The following JAK1 variants were observed in gnomAD, a reference collection of about 807,000 sequenced individuals.
JAK1 encodes the protein Janus kinase 1.
A neutral mutation model predicts 136.6 loss-of-function variants in JAK1; 16 were observed. The observed-to-expected ratio is 0.12, with a 90% CI of 0.08 to 0.18. JAK1 has a LOEUF of 0.18. JAK1 is among the 10% of genes least tolerant of loss of function. The pLI is 1.00. For missense variants in JAK1, 859 were observed against 1,450.1 expected (o/e 0.59, Z 6.62); for synonymous variants, 492 against 519.5 (o/e 0.95, Z 0.72).
chr1:64,956,629 C>T (rs1646193045), intron 1 of JAK1, among the ~76,000 whole-genome samples: 1 of 152,192 alleles, frequency 6.6e-6, no homozygotes, highest in Non-Finnish European at 1.5e-5. Context: ...ACATCTTAGA[C>T]TGTTGGCTAC....
chr1:64,945,465 C>T (rs1645967252), intron 1 of JAK1, among the ~76,000 whole-genome samples: 1 of 152,006 alleles, frequency 6.6e-6, no homozygotes, highest in East Asian at 1.9e-4. Flanking sequence ...TTAAATAAGT[C>T]ATGGTCTATT....
At chr1:64,967,423 A>G (rs1049179063), upstream of JAK1, among the ~76,000 whole-genome samples, 1 of 152,152 alleles carries the variant, frequency 6.6e-6, no homozygotes, top group African/African-American at 2.4e-5. Flanking sequence ...ATTCTCTACA[A>G]TGAACTTTTA....
At chr1:65,039,201 G>A (rs1647105939) in intron 2 of JAK1, among the ~76,000 whole-genome samples, 1 of 152,180 alleles carries the variant, frequency 6.6e-6, no homozygotes, top group Admixed American at 6.5e-5. Context: ...GGGGCCAGGT[G>A]TGCCACCACT....
chr1:64,912,917 T>C (rs562137252), intron 1 of JAK1, among the ~76,000 whole-genome samples: 1 of 152,326 alleles, frequency 6.6e-6, no homozygotes, highest in East Asian at 1.9e-4. Context: ...TGCAACCTCA[T>C]ACCCCAAATA....
chr1:64,949,078 C>T (rs1646037091), intron 1 of JAK1, among the ~76,000 whole-genome samples: 1 of 152,182 alleles, frequency 6.6e-6, no homozygotes, highest in Non-Finnish European at 1.5e-5. Context: ...AGAGGCTCTT[C>T]ATACCATGCT....
chr1:64,920,203 CG>C (rs1645470730), intron 1 of JAK1, among the ~76,000 whole-genome samples: 1 of 152,014 alleles, frequency 6.6e-6, no homozygotes. Context: ...CTGAAATTGA[CG>C]GAAACAGGGA....
intron 1 of JAK1, among the ~76,000 whole-genome samples, chr1:64,942,517 A>T (rs905027578): frequency 6.6e-6 from 1 of 152,210 alleles, no homozygotes; most frequent in Non-Finnish European, 1.5e-5. Context: ...TTTTTAAAGG[A>T]ACAATAAAAC....
intron 20 of JAK1, among the ~76,000 whole-genome samples, chr1:64,839,078 G>A (rs1043664042): frequency 8.9e-5 from 13 of 146,384 alleles, no homozygotes; most frequent in Admixed American, 4.1e-4. Flanking sequence ...CCCGGGAGGC[G>A]GAGCTTGCAG....
At position 64,886,278 on chromosome 1, in the gene JAK1, C is replaced by A; in HGVS notation, c.-14G>T. The A allele has an allele frequency of 1.9e-6, 3 of 1,595,172 alleles. No homozygotes were observed. The highest frequency in any genetic ancestry group is 2.6e-6 in the Non-Finnish European group (3 of 1,171,774). On this transcript the variant is annotated 5_prime_UTR_variant, in exon 2 of 25. Transcript: ENST00000342505. ...ACATACCTGCATTTATTCAGCTGTC[C>A]AGTGTTCTCCAAGAAGCAAACTGGA...
intron 1 of JAK1, among the ~76,000 whole-genome samples, chr1:64,932,683 T>C (rs1645718867): frequency 6.6e-6 from 1 of 152,158 alleles, no homozygotes; most frequent in Non-Finnish European, 1.5e-5. Flanking sequence ...ATACTTTCAC[T>C]CAGCTACTCC....
intron 1 of JAK1, among the ~76,000 whole-genome samples, chr1:64,892,870 G>C (rs190612380): frequency 5.3e-5 from 8 of 152,236 alleles, no homozygotes; most frequent in Admixed American, 2.0e-4. Context: ...GGACTTCAGG[G>C]GAATCCAAAG....
chr1:64,868,596 C>G (rs1336161072), intron 6 of JAK1, among the ~76,000 whole-genome samples: 1 of 152,116 alleles, frequency 6.6e-6, no homozygotes, highest in Non-Finnish European at 1.5e-5. Flanking sequence ...GTGATCTGCT[C>G]TAGACTCTGG....
At chr1:65,067,430 G>A (rs955440139) in intron 1 of JAK1, among the ~76,000 whole-genome samples, 28 of 148,410 alleles carry the variant, frequency 1.9e-4, no homozygotes, top group African/African-American at 6.8e-4. Flanking sequence ...CGCGAGACGG[G>A]GCCGGGAGCG....
At chr1:64,878,864 C>T (rs1644724088) in intron 4 of JAK1, among the ~76,000 whole-genome samples, 161 bp downstream of exon 4, 1 of 151,980 alleles carries the variant, frequency 6.6e-6, no homozygotes, top group Non-Finnish European at 1.5e-5. Context: ...AATTGTATTC[C>T]AAATACTGAA....
Position 64,834,144 on chromosome 1 carries a change from T to C in JAK1, c.*418A>G. On this transcript the variant is annotated 3_prime_UTR_variant, in exon 25 of 25. Coordinates refer to ENST00000342505, the MANE Select transcript of JAK1 (RefSeq NM_002227.4). Reference sequence around the variant, plus strand: ...AATCTTTCTTTATCTATGATTAATGTGCCAGCAAAACATTTCAGATCAGCT... The same window carrying C: ...AATCTTTCTTTATCTATGATTAATGCGCCAGCAAAACATTTCAGATCAGCT... 3 of 248,924 alleles carry C rather than the reference T, an allele frequency of 1.2e-5. No individual in the cohort carries two copies. The highest frequency in any genetic ancestry group is 2.4e-5 in the Non-Finnish European group (3 of 126,182). 15.4% of individuals were successfully genotyped at this position (248,924 alleles called of 1,614,324 possible).
rs752524684 is a variant in JAK1, at chr1:65,010,804, T to TA, written c.-78+33675dup. Among the ~76,000 whole-genome samples the TA allele has an allele frequency of 1.2e-4, 18 of 152,024 alleles. 1 individual carries two copies. Among genetic ancestry groups the TA allele is most frequent in the Admixed American group, 3.3e-4 (5 of 15,258 alleles). On this transcript the variant is annotated intron_variant, in intron 2 of 25. Transcript: ENST00000671954. The stretch of plus-strand genomic sequence containing the variant: ...GGCAATATAGTGAGACCCTGTCTCT[T>TA]AAAAAAAAGTAGTAAATAAACTAGC...
chr1:65,002,918 G>T (rs1028049441), intron 2 of JAK1, among the ~76,000 whole-genome samples: 1 of 152,238 alleles, frequency 6.6e-6, no homozygotes, highest in African/African-American at 2.4e-5. Flanking sequence ...AGGTCCCGGC[G>T]GGGAAGCGAT....
chr1:64,845,012 G>A, intron 15 of JAK1, 123 bp from the exon 16 acceptor site: 1 of 1,307,388 alleles, frequency 7.6e-7, no homozygotes, highest in South Asian at 1.4e-5. Context: ...GCCTGGCCCT[G>A]CTGCCAATCA....
intron 1 of JAK1, among the ~76,000 whole-genome samples, chr1:64,934,544 G>A (rs960489247): frequency 6.6e-6 from 1 of 152,212 alleles, no homozygotes; most frequent in Admixed American, 6.5e-5. Flanking sequence ...TGAGAGGGGC[G>A]AGAAGCTCGG....
Sources: allele counts gnomAD v4.1 joint callset (sites outside exome capture counted in the v4.1 genomes callset), GRCh38; gene constraint gnomAD v4.1.1; transcripts MANE v1.5; gene names NCBI Gene and HGNC (gene_info 2026-07-23, HGNC 2026-07-21).